Variants in DUSP19 observed in about 807,000 individuals in gnomAD.
DUSP19 encodes dual specificity phosphatase 19.
DUSP19 carries 14 observed loss-of-function variants against 16.6 expected under a neutral mutation model. The observed-to-expected ratio is 0.84, with a 90% CI of 0.56 to 1.32. DUSP19 has a LOEUF of 1.32. Ranked by LOEUF, DUSP19 falls within the 40% of genes most tolerant of loss-of-function variation. DUSP19 has a pLI of 0.00. For synonymous variants in DUSP19, 81 were observed against 90.5 expected (o/e 0.90, Z 0.59); for missense variants, 258 against 255.9 (o/e 1.01, Z -0.06).
chr2:183,078,839 TGGCTTTGTTACCTG>T lies in DUSP19; in HGVS notation c.-91_-78del. ...CTGGATGGGCGAGCACCTCTGAGGCTGGCTTTGTTACCTGGGCAATAAGGGACTAGCAGTTCAGC... is the reference window on the plus strand; with the variant it reads ...CTGGATGGGCGAGCACCTCTGAGGCTGGCAATAAGGGACTAGCAGTTCAGC... On this transcript the variant is annotated 5_prime_UTR_variant, in exon 1 of 4. Coordinates refer to ENST00000354221, the MANE Select transcript of DUSP19 (RefSeq NM_080876.4). 1 of 1,151,156 alleles carries T rather than the reference TGGCTTTGTTACCTG, an allele frequency of 8.7e-7. No homozygotes were observed. The highest frequency in any genetic ancestry group is 1.2e-6 in the Non-Finnish European group (1 of 806,316). The allele number at this position is 1,151,156 out of a possible 1,614,324, so 71.3% of individuals were successfully genotyped here.
Position 183,079,081 on chromosome 2 carries a change from A to G in DUSP19, c.148A>G (p.Ser50Gly), listed in dbSNP as rs1333475025. The G allele has an allele frequency of 6.2e-7, 1 of 1,614,180 alleles. No individual in the cohort carries two copies. The highest frequency in any genetic ancestry group is 8.5e-7 in the Non-Finnish European group (1 of 1,180,034). Residue 50 changes from serine (S) to glycine (G), a missense_variant, in exon 1 of 4, where the codon AGT (serine) becomes GGT (glycine). Physicochemically the swap from Ser to Gly is moderately conservative, Grantham distance 56. Coordinates refer to ENST00000354221, the MANE Select transcript of DUSP19 (RefSeq NM_080876.4). The part of the protein sequence containing the change: ...IHVVEEVEPS[S>G]GGGCGYVQDL... The stretch of plus-strand genomic sequence containing the variant: ...TGTTGTGGAAGAAGTAGAGCCGAGC[A>G]GTGGGGGTGGTTGTGGTTATGTGCA...
chr2:183,085,932 C>T (rs1347425815), intron 2 of DUSP19, among the ~76,000 whole-genome samples: 4 of 121,680 alleles, frequency 3.3e-5, no homozygotes, highest in East Asian at 2.9e-4. Flanking sequence ...GTGGCATGAT[C>T]GTGGCTCACT....
At chr2:183,083,998 C>A (rs551904579) in intron 2 of DUSP19, among the ~76,000 whole-genome samples, 3 of 152,146 alleles carry the variant, frequency 2.0e-5, no homozygotes, top group Non-Finnish European at 4.4e-5. Flanking sequence ...TAGCCCTCTA[C>A]CATTTTTTTG....
At chr2:183,080,336 C>A (rs1047436337) in intron 1 of DUSP19, among the ~76,000 whole-genome samples, 1 of 152,186 alleles carries the variant, frequency 6.6e-6, no homozygotes, top group African/African-American at 2.4e-5. Flanking sequence ...AAATCAATTG[C>A]AGTGTACATA....
chr2:183,078,791 T>G lies in DUSP19; in HGVS notation c.-143T>G. On this transcript the variant is annotated 5_prime_UTR_variant, in exon 1 of 4. Transcript: ENST00000354221. ...AACGGAGCTGGACGACTCAGTCTCTTGGTCTGTGGCTGCTGCGGTTACCTG... is the reference window on the plus strand; with the variant it reads ...AACGGAGCTGGACGACTCAGTCTCTGGGTCTGTGGCTGCTGCGGTTACCTG... The G allele has an allele frequency of 1.4e-6, 1 of 692,240 alleles. No individual in the cohort carries two copies. Among genetic ancestry groups the G allele is most frequent in the Non-Finnish European group, 2.4e-6 (1 of 413,640 alleles). 42.9% of individuals were successfully genotyped at this position (692,240 alleles called of 1,614,324 possible). A position where few individuals can be genotyped will look rare whatever the true frequency, so the allele number is the denominator to read the frequency against.
chr2:183,084,265 G>A (rs775605920), intron 2 of DUSP19, among the ~76,000 whole-genome samples: 1 of 152,000 alleles, frequency 6.6e-6, no homozygotes, highest in Non-Finnish European at 1.5e-5. Context: ...TGATATTGAA[G>A]TATTTCTCTG....
In DUSP19 at chr2:183,087,052, C is replaced by G. The variant is rs749111793; in HGVS notation, c.286C>G (p.Leu96Val). The change falls in exon 3 of 4, where the codon CTT (leucine) becomes GTT (valine). Residue 96 changes from leucine to valine, a missense_variant. Transcript: ENST00000354221. The part of the protein sequence containing the change: ...TLKKNKVTHI[L>V]NVAYGVENAF... ...CTTTCTCTTTAAGGTGACTCATATT[C>G]TTAATGTTGCATATGGAGTTGAAAA... is the stretch of plus-strand genomic sequence containing the variant. 3.9e-5 allele frequency: 62 copies of G among 1,610,334 alleles called. No homozygotes were observed. The South Asian group carries it at 5.7e-4, about 15-fold the overall frequency.
At chr2:183,084,325 G>A (rs1699633062) in intron 2 of DUSP19, among the ~76,000 whole-genome samples, 1 of 152,030 alleles carries the variant, frequency 6.6e-6, no homozygotes, top group African/African-American at 2.4e-5. Flanking sequence ...GCTTTGGGAG[G>A]CCAAGGCAGG....
intron 3 of DUSP19, among the ~76,000 whole-genome samples, chr2:183,094,852 G>A (rs752965597): frequency 7.9e-5 from 12 of 152,284 alleles, no homozygotes; most frequent in Non-Finnish European, 1.8e-4. Flanking sequence ...GCTTATTTAT[G>A]AGAACACTAA....
At chr2:183,090,308 C>T (rs188168836) in intron 3 of DUSP19, among the ~76,000 whole-genome samples, 148 of 152,262 alleles carry the variant, frequency 9.7e-4, no homozygotes, top group Admixed American at 3.6e-3. Context: ...ACTCATTTCC[C>T]TCTGTACTTG....
chr2:183,091,078 A>G (rs1323082547), intron 3 of DUSP19, among the ~76,000 whole-genome samples: 4 of 152,188 alleles, frequency 2.6e-5, no homozygotes, highest in Non-Finnish European at 5.9e-5. Flanking sequence ...GATGATTCAA[A>G]TCATTTAAAA....
At position 183,078,950 on chromosome 2, in the gene DUSP19, A is replaced by T; in HGVS notation, c.17A>T (p.Gln6Leu). Residue 6 changes from glutamine to leucine, a missense_variant, in exon 1 of 4, where the codon CAG (glutamine) becomes CTG (leucine). By Grantham distance (113) the Gln-to-Leu change is moderately radical. Coordinates refer to ENST00000354221, the MANE Select transcript of DUSP19 (RefSeq NM_080876.4). ...GCTCATGTAATGTACTCCCTTAACCAGGAAATTAAAGCATTCTCCCGGAAT... is the reference window on the plus strand; with the variant it reads ...GCTCATGTAATGTACTCCCTTAACCTGGAAATTAAAGCATTCTCCCGGAAT... Reference protein sequence around the residue: MYSLNQEIKAFSRNNL... With the variant: MYSLNLEIKAFSRNNL... 6.2e-7 allele frequency: 1 copy of T among 1,614,102 alleles called. No individual in the cohort carries two copies. Among genetic ancestry groups the T allele is most frequent in the African/African-American group, 1.3e-5 (1 of 75,024 alleles).
chr2:183,085,948 C>T (rs1279243694), intron 2 of DUSP19, among the ~76,000 whole-genome samples: 3 of 136,830 alleles, frequency 2.2e-5, no homozygotes, highest in Non-Finnish European at 4.6e-5. Flanking sequence ...TCACTGCAAC[C>T]TTTACCTCCT....
At chr2:183,086,868 A>C (rs920360939) in intron 2 of DUSP19, among the ~76,000 whole-genome samples, 172 bp from the exon 3 acceptor site, 6 of 151,432 alleles carry the variant, frequency 4.0e-5, no homozygotes, top group Admixed American at 1.3e-4. Context: ...AGAGAGAGAA[A>C]ACATATAGTA....
intron 3 of DUSP19, 99 bp downstream of exon 3, chr2:183,087,291 A>G: frequency 8.3e-7 from 1 of 1,204,718 alleles, no homozygotes; most frequent in South Asian, 1.7e-5. Flanking sequence ...TCTCTAAAAA[A>G]CAATTATGAA....
chr2:183,089,217 C>A (rs1236128844), intron 3 of DUSP19, among the ~76,000 whole-genome samples: 1 of 152,102 alleles, frequency 6.6e-6, no homozygotes, highest in Non-Finnish European at 1.5e-5. Flanking sequence ...AGAAGCAATA[C>A]AAAGTGATGC....
intron 1 of DUSP19, among the ~76,000 whole-genome samples, chr2:183,080,728 C>T (rs559392485): frequency 6.6e-6 from 1 of 152,312 alleles, no homozygotes; most frequent in Admixed American, 6.5e-5. Flanking sequence ...GGTTGGAAAC[C>T]TCCCCAGGAT....
At chr2:183,080,667 A>G (rs1040522704) in intron 1 of DUSP19, among the ~76,000 whole-genome samples, 3 of 152,160 alleles carry the variant, frequency 2.0e-5, no homozygotes, top group Non-Finnish European at 2.9e-5. Context: ...TATTACTATT[A>G]TTTGTGGACT....
intron 3 of DUSP19, among the ~76,000 whole-genome samples, chr2:183,091,126 T>C (rs1699727254): frequency 6.6e-6 from 1 of 152,180 alleles, no homozygotes; most frequent in South Asian, 2.1e-4. Flanking sequence ...GATTCTATAA[T>C]TTATCTTATT....
Sources: allele counts gnomAD v4.1 joint callset (sites outside exome capture counted in the v4.1 genomes callset), GRCh38; gene constraint gnomAD v4.1.1; transcripts MANE v1.5; gene names NCBI Gene and HGNC (gene_info 2026-07-23, HGNC 2026-07-21).